The following LRP1B variants were observed in gnomAD, a reference collection of about 807,000 sequenced individuals.
LRP1B encodes the protein low-density lipoprotein receptor-related protein 1B.
In LRP1B, 217 loss-of-function variants were observed where a neutral mutation model predicts 556.6. The ratio of observed to expected loss-of-function variants is 0.39; its 90% CI spans 0.35 to 0.44. The LOEUF is 0.44. Among genes scored for constraint, LRP1B ranks in the 20% least tolerant of loss-of-function variants. The probability of loss-of-function intolerance (pLI) is 1.00; values close to 1 mark genes in which losing one functional copy is unlikely to be tolerated. For missense variants in LRP1B, 5,053 were observed against 5,620.8 expected (o/e 0.90, Z 3.23); for synonymous variants, 2,047 against 1,865.8 (o/e 1.10, Z -2.50).
chr2:140,865,500 G>A (rs550058868), intron 27 of LRP1B, among the ~76,000 whole-genome samples: 2 of 151,864 alleles, frequency 1.3e-5, no homozygotes, highest in South Asian at 2.1e-4. Flanking sequence ...TAAAATAGTC[G>A]ATATGTTCCT....
chr2:141,645,467 G>A (rs1445293443), intron 2 of LRP1B, among the ~76,000 whole-genome samples: 1 of 127,998 alleles, frequency 7.8e-6, no homozygotes, highest in African/African-American at 2.9e-5. Flanking sequence ...AAGAAGACAA[G>A]GCTTTTTTTT....
intron 42 of LRP1B, among the ~76,000 whole-genome samples, chr2:140,600,521 G>T (rs1342145458): frequency 1.3e-5 from 2 of 152,030 alleles, no homozygotes; most frequent in South Asian, 4.1e-4. Flanking sequence ...CTGGGTCAGT[G>T]ATTATCTGTC....
At chr2:141,515,542 T>C (rs559817459) in intron 2 of LRP1B, among the ~76,000 whole-genome samples, 1 of 133,462 alleles carries the variant, frequency 7.5e-6, no homozygotes, top group East Asian at 2.3e-4. Context: ...AAATACTAGA[T>C]ACTTAACAAA....
chr2:140,571,484 T>C (rs529623587), intron 43 of LRP1B, among the ~76,000 whole-genome samples: 53 of 151,780 alleles, frequency 3.5e-4, no homozygotes, highest in African/African-American at 1.3e-3. Context: ...AGGAAAACTA[T>C]AAAACACTGA....
intron 41 of LRP1B, among the ~76,000 whole-genome samples, chr2:140,645,732 G>T (rs1425371284): frequency 1.3e-5 from 2 of 151,272 alleles, no homozygotes; most frequent in African/African-American, 4.9e-5. Context: ...TAGAGACGGG[G>T]TTTCACCATG....
At position 140,274,407 on chromosome 2, in the gene LRP1B, G is replaced by A. The variant is rs1682584521; in HGVS notation, c.13142+17C>T. 6 of 1,608,836 alleles carry A rather than the reference G, an allele frequency of 3.7e-6. No homozygotes were observed. Among genetic ancestry groups the A allele is most frequent in the Non-Finnish European group, 5.1e-6 (6 of 1,175,944 alleles). On this transcript the variant is annotated intron_variant, in intron 85 of 90. Transcript: ENST00000389484. ...GTGTCCAAATGCTTTTATAAATTAA[G>A]CTGGGTGTCCACTTACTTGCAAAAT...
intron 1 of LRP1B, among the ~76,000 whole-genome samples, chr2:141,985,270 GT>G (rs1702153864): frequency 6.6e-6 from 1 of 152,144 alleles, no homozygotes; most frequent in Non-Finnish European, 1.5e-5. Flanking sequence ...AATCAGGTCA[GT>G]AGTTTGAATT....
At chr2:141,357,644 G>C (rs1381903984) in intron 3 of LRP1B, among the ~76,000 whole-genome samples, 1 of 152,068 alleles carries the variant, frequency 6.6e-6, no homozygotes, top group Non-Finnish European at 1.5e-5. Flanking sequence ...TATTAACTGA[G>C]TATCCTTTTA....
At chr2:141,370,193 T>C (rs549067312) in intron 3 of LRP1B, among the ~76,000 whole-genome samples, 1 of 152,314 alleles carries the variant, frequency 6.6e-6, no homozygotes, top group South Asian at 2.1e-4. Context: ...CTGCATCCTC[T>C]AGTAGTTCTA....
chr2:141,366,696 G>A, intron 3 of LRP1B, among the ~76,000 whole-genome samples: 1 of 152,140 alleles, frequency 6.6e-6, no homozygotes, highest in East Asian at 1.9e-4. Context: ...TTAAGTAAAG[G>A]AGATTCAAGA....
intron 3 of LRP1B, among the ~76,000 whole-genome samples, chr2:141,405,246 C>T (rs1448426037): frequency 6.6e-6 from 1 of 151,998 alleles, no homozygotes. Flanking sequence ...AAAATGATTG[C>T]TTTCAGAATT....
chr2:140,467,612 CA>C (rs36060070), intron 60 of LRP1B, among the ~76,000 whole-genome samples: 31,693 of 85,848 alleles, frequency 0.37, 3,918 homozygotes, highest in East Asian at 0.62. Context: ...AACTCCATCT[CA>C]AAAAAAAAAA....
intron 90 of LRP1B, 65 bp from the exon 91 acceptor site, chr2:140,233,391 C>A (rs1680557946): frequency 8.9e-7 from 1 of 1,118,940 alleles, no homozygotes. Context: ...TATTTACTTC[C>A]TAGAATGTCC....
chr2:140,423,176 G>C (rs954986480), intron 66 of LRP1B, among the ~76,000 whole-genome samples: 4 of 152,110 alleles, frequency 2.6e-5, no homozygotes, highest in Non-Finnish European at 5.9e-5. Context: ...TTAGCCAATA[G>C]AATCCCATGT....
chr2:140,421,147 C>T (rs1049879326), intron 66 of LRP1B, among the ~76,000 whole-genome samples: 12 of 151,960 alleles, frequency 7.9e-5, no homozygotes, highest in East Asian at 3.9e-4. Context: ...TCCATCCACT[C>T]GGGAGGCTGA....
At chr2:140,987,894 G>A (rs1157794283) in intron 17 of LRP1B, among the ~76,000 whole-genome samples, 2 of 152,054 alleles carry the variant, frequency 1.3e-5, no homozygotes, top group African/African-American at 2.4e-5. Flanking sequence ...TGAGGCATGA[G>A]AATTGCTTGC....
chr2:140,367,002 A>G (rs780385591), intron 71 of LRP1B, among the ~76,000 whole-genome samples: 1 of 151,678 alleles, frequency 6.6e-6, no homozygotes, highest in Non-Finnish European at 1.5e-5. Flanking sequence ...GATCGGAGCA[A>G]AATGAATGGA....
At chr2:141,768,660 C>A (rs1475143826) in intron 2 of LRP1B, among the ~76,000 whole-genome samples, 3 of 152,006 alleles carry the variant, frequency 2.0e-5, no homozygotes, top group Non-Finnish European at 4.4e-5. Flanking sequence ...AAATTGAGTA[C>A]TTCAAGAGGA....
intron 1 of LRP1B, among the ~76,000 whole-genome samples, chr2:141,941,497 T>A (rs893306443): frequency 2.0e-5 from 3 of 152,208 alleles, no homozygotes; most frequent in Admixed American, 2.0e-4. Flanking sequence ...CACCTATTCC[T>A]TGTTGAAGGC....
Sources: allele counts gnomAD v4.1 joint callset (sites outside exome capture counted in the v4.1 genomes callset), GRCh38; gene constraint gnomAD v4.1.1; transcripts MANE v1.5; gene names NCBI Gene and HGNC (gene_info 2026-07-23, HGNC 2026-07-21).